PMFBP1: variants seen among roughly 807,000 people sequenced by gnomAD.
The protein encoded by PMFBP1 is polyamine-modulated factor 1-binding protein 1.
In PMFBP1, 131 loss-of-function variants were observed where a neutral mutation model predicts 137.8. That is an observed-to-expected ratio of 0.95 (90% CI 0.82 to 1.10). The LOEUF is 1.10. Ranked by LOEUF, PMFBP1 falls within the 50% of genes least tolerant of loss-of-function variation. The pLI is 0.00. For missense variants in PMFBP1, 1,199 were observed against 1,175.4 expected (o/e 1.02, Z -0.29); for synonymous variants, 490 against 450.4 (o/e 1.09, Z -1.11).
At chr16:72,187,589 G>C in the PMFBP1 span, among the ~76,000 whole-genome samples, 1 of 152,106 alleles carries the variant, frequency 6.6e-6, no homozygotes, top group Non-Finnish European at 1.5e-5. Flanking sequence ...TTCCTATAGC[G>C]GTTCTTCAGT....
At position 72,123,495 on chromosome 16, in the gene PMFBP1, C is replaced by T. The variant is rs368369529; in HGVS notation, c.2693+51G>A. On this transcript the variant is annotated intron_variant, in intron 18 of 20. Transcript: ENST00000237353. ...AATCTTTGGCACGCATGTGGCTCCTCGGCTCAGTCCAGGCCTCGGACCCTG... is the reference window on the plus strand; with the variant it reads ...AATCTTTGGCACGCATGTGGCTCCTTGGCTCAGTCCAGGCCTCGGACCCTG... The T allele has an allele frequency of 2.1e-4, 322 of 1,540,980 alleles. 3 individuals are homozygous for T. In the South Asian group the frequency reaches 2.5e-3, roughly 12 times the overall value.
chr16:72,187,447 A>G, the PMFBP1 span, among the ~76,000 whole-genome samples: 1 of 152,210 alleles, frequency 6.6e-6, no homozygotes, highest in African/African-American at 2.4e-5. Context: ...TCCACCCTGT[A>G]CCCTGTAGGG....
At chr16:72,140,680 G>C (rs2042705314) in intron 5 of PMFBP1, 98 bp from the exon 6 acceptor site, 1 of 1,113,852 alleles carries the variant, frequency 9.0e-7, no homozygotes, top group Non-Finnish European at 1.3e-6. Context: ...ATATTCTAAA[G>C]GTATATGTTC....
chr16:72,225,553 A>C, the PMFBP1 span, among the ~76,000 whole-genome samples: 1 of 151,682 alleles, frequency 6.6e-6, no homozygotes, highest in East Asian at 1.9e-4. Flanking sequence ...AAAACAAAAC[A>C]AAACAAAAAA....
intron 10 of PMFBP1, 95 bp downstream of exon 10, chr16:72,132,653 G>A: frequency 1.3e-6 from 2 of 1,564,978 alleles, no homozygotes; most frequent in Non-Finnish European, 1.7e-6. Flanking sequence ...AGGAGGGCGA[G>A]GGGAAGTGGC....
chr16:72,163,703 G>A (rs571589761), intron 3 of PMFBP1, among the ~76,000 whole-genome samples: 5 of 152,064 alleles, frequency 3.3e-5, no homozygotes, highest in Admixed American at 1.3e-4. Flanking sequence ...CCATGTTTTC[G>A]CATGTGGTAT....
the PMFBP1 span, among the ~76,000 whole-genome samples, chr16:72,238,499 G>A: frequency 6.6e-6 from 1 of 152,088 alleles, no homozygotes; most frequent in Non-Finnish European, 1.5e-5. Context: ...ACTTTTTAAT[G>A]GGATTTTTTT....
At chr16:72,199,532 G>T in the PMFBP1 span, among the ~76,000 whole-genome samples, 3 of 151,464 alleles carry the variant, frequency 2.0e-5, no homozygotes, top group Non-Finnish European at 2.9e-5. Flanking sequence ...TGCACTCCTG[G>T]AGTCCCAGCT....
At chr16:72,125,745 A>T (rs543193216) in intron 15 of PMFBP1, among the ~76,000 whole-genome samples, 1 of 152,216 alleles carries the variant, frequency 6.6e-6, no homozygotes, top group Non-Finnish European at 1.5e-5. Flanking sequence ...AAGGCTTGCT[A>T]GATTTGGTTT....
the PMFBP1 span, among the ~76,000 whole-genome samples, chr16:72,214,674 G>C: frequency 2.6e-5 from 4 of 152,178 alleles, no homozygotes; most frequent in Admixed American, 2.0e-4. Flanking sequence ...TCACAATACA[G>C]AGCATGTGTA....
the PMFBP1 span, among the ~76,000 whole-genome samples, chr16:72,215,331 A>C: frequency 1.3e-5 from 2 of 152,132 alleles, no homozygotes; most frequent in African/African-American, 4.8e-5. Flanking sequence ...TGAAGCACAG[A>C]AAGGTAAGGT....
chr16:72,193,289 C>G, the PMFBP1 span, among the ~76,000 whole-genome samples: 1 of 152,068 alleles, frequency 6.6e-6, no homozygotes, highest in Non-Finnish European at 1.5e-5. Flanking sequence ...GCTCAAGAAG[C>G]TGAGGTGGGA....
At chr16:72,234,140 T>C in the PMFBP1 span, among the ~76,000 whole-genome samples, 1 of 152,186 alleles carries the variant, frequency 6.6e-6, no homozygotes, top group Non-Finnish European at 1.5e-5. Context: ...ATTTAACATG[T>C]TGAGAAAGTG....
At chr16:72,209,756 A>C in the PMFBP1 span, among the ~76,000 whole-genome samples, 4 of 152,218 alleles carry the variant, frequency 2.6e-5, no homozygotes, top group African/African-American at 9.6e-5. Flanking sequence ...ACCACACACA[A>C]GCTGGGAAAC....
the PMFBP1 span, among the ~76,000 whole-genome samples, chr16:72,231,077 T>C: frequency 6.6e-6 from 1 of 152,170 alleles, no homozygotes; most frequent in Non-Finnish European, 1.5e-5. Context: ...TCACTTTAAA[T>C]AATACTCATG....
chr16:72,234,163 C>G, the PMFBP1 span, among the ~76,000 whole-genome samples: 1 of 152,140 alleles, frequency 6.6e-6, no homozygotes, highest in African/African-American at 2.4e-5. Flanking sequence ...ACACTATTTT[C>G]CAAAGTGACT....
At chr16:72,160,084 C>T (rs962259231) in intron 3 of PMFBP1, among the ~76,000 whole-genome samples, 1 of 152,188 alleles carries the variant, frequency 6.6e-6, no homozygotes, top group African/African-American at 2.4e-5. Context: ...CACATTTCAT[C>T]CCTACTTGTG....
chr16:72,120,109 G>A lies in PMFBP1; in HGVS notation c.2769-20C>T. The A allele has an allele frequency of 1.2e-6, 2 of 1,614,152 alleles. No homozygotes were observed. The highest frequency in any genetic ancestry group is 8.5e-7 in the Non-Finnish European group (1 of 1,180,042). On this transcript the variant is annotated intron_variant, in intron 19 of 20. Transcript: ENST00000237353. ...AGGTGGCTGTGGGAAGGAGAGGAAG[G>A]ACGGGTTGTGTTGGGGCTGCTGGCT...
At position 72,130,582 on chromosome 16, in the gene PMFBP1, T is replaced by C; in HGVS notation, c.1588A>G (p.Met530Val). The C allele has an allele frequency of 6.2e-7, 1 of 1,614,096 alleles. No homozygotes were observed. The highest frequency in any genetic ancestry group is 8.5e-7 in the Non-Finnish European group (1 of 1,180,016). The change falls in exon 11 of 21, where the codon ATG (methionine) becomes GTG (valine). Residue 530 changes from methionine (M) to valine (V), a missense_variant. Coordinates refer to ENST00000237353, the MANE Select transcript of PMFBP1 (RefSeq NM_031293.3). ...GCCATCGAGGACTCCTTCTGCAGCA[T>C]CTGAAGTTCTCTCTGTAGTTCCTGG... ...TIQELQRELQ[M>V]LQKESSMAEK...
Sources: allele counts gnomAD v4.1 joint callset (sites outside exome capture counted in the v4.1 genomes callset), GRCh38; gene constraint gnomAD v4.1.1; transcripts MANE v1.5; gene names NCBI Gene and HGNC (gene_info 2026-07-23, HGNC 2026-07-21).